Variants in TBXAS1 observed in about 807,000 individuals in gnomAD.
TBXAS1 encodes the protein thromboxane A synthase 1.
In TBXAS1, 48 loss-of-function variants were observed where a neutral mutation model predicts 60.7. The ratio of observed to expected loss-of-function variants is 0.79; its 90% CI spans 0.63 to 1.01. The LOEUF is 1.01. Among genes scored for constraint, TBXAS1 ranks in the 50% least tolerant of loss-of-function variants. The pLI, the probability that TBXAS1 is intolerant of heterozygous loss-of-function variation, is 0.00. For synonymous variants in TBXAS1, 287 were observed against 269.7 expected, an observed-to-expected ratio of 1.06 and a Z score of -0.63; for missense variants, 685 against 686.3, an observed-to-expected ratio of 1.00 and a Z score of 0.02.
intron 5 of TBXAS1, among the ~76,000 whole-genome samples, chr7:139,942,783 T>C (rs551779751): frequency 1.3e-5 from 2 of 152,360 alleles, no homozygotes; most frequent in East Asian, 3.9e-4. Flanking sequence ...TCCGGCTCTC[T>C]GCCTAATTTT....
intron 5 of TBXAS1, among the ~76,000 whole-genome samples, chr7:139,939,243 A>G (rs550808396): frequency 1.1e-4 from 17 of 152,004 alleles, no homozygotes; most frequent in Non-Finnish European, 1.8e-4. Context: ...AGGCACCTGT[A>G]ACCCCAGCTA....
intron 9 of TBXAS1, among the ~76,000 whole-genome samples, chr7:139,970,351 C>G (rs1811108410): frequency 6.6e-6 from 1 of 152,222 alleles, no homozygotes; most frequent in Non-Finnish European, 1.5e-5. Flanking sequence ...AGGTGATCTG[C>G]CCGCCTCGGC....
intron 3 of TBXAS1, among the ~76,000 whole-genome samples, chr7:139,881,410 TATCAGG>T (rs1802681842): frequency 6.6e-6 from 1 of 152,202 alleles, no homozygotes; most frequent in Admixed American, 6.5e-5. Context: ...ATGTTTGATA[TATCAGG>T]AATTTATTTG....
chr7:139,832,740 T>A (rs748810306), intron 1 of TBXAS1, among the ~76,000 whole-genome samples: 1 of 152,206 alleles, frequency 6.6e-6, no homozygotes, highest in African/African-American at 2.4e-5. Flanking sequence ...AAGGAAAACC[T>A]ATCAGATGAA....
chr7:139,878,532 A>G (rs1173174998), intron 3 of TBXAS1, among the ~76,000 whole-genome samples: 1 of 152,242 alleles, frequency 6.6e-6, no homozygotes, highest in East Asian at 1.9e-4. Flanking sequence ...GATGAGCCAT[A>G]AAACACTGAC....
At chr7:139,811,831 C>A (rs1296910244) in intron 4 of TBXAS1, among the ~76,000 whole-genome samples, 1 of 152,188 alleles carries the variant, frequency 6.6e-6, no homozygotes, top group South Asian at 2.1e-4. Flanking sequence ...ATGAGCAAAG[C>A]CTTAAGTTAG....
chr7:140,003,249 C>A (rs1477058777), intron 9 of TBXAS1, among the ~76,000 whole-genome samples: 1 of 151,742 alleles, frequency 6.6e-6, no homozygotes, highest in Non-Finnish European at 1.5e-5. Flanking sequence ...TGGAGTTTTG[C>A]TCTTGATGCC....
chr7:139,845,639 G>A (rs2116608410), intron 1 of TBXAS1, among the ~76,000 whole-genome samples: 1 of 152,232 alleles, frequency 6.6e-6, no homozygotes, highest in Non-Finnish European at 1.5e-5. Context: ...TAGGCACGCA[G>A]TTACTTGTTG....
At chr7:139,856,514 G>T (rs1800594298) in intron 1 of TBXAS1, among the ~76,000 whole-genome samples, 1 of 152,180 alleles carries the variant, frequency 6.6e-6, no homozygotes, top group African/African-American at 2.4e-5. Context: ...ATTCCGACAG[G>T]CTAGGAAGAT....
intron 9 of TBXAS1, among the ~76,000 whole-genome samples, chr7:139,984,144 T>C (rs1170443235): frequency 1.3e-5 from 2 of 152,218 alleles, no homozygotes; most frequent in Non-Finnish European, 2.9e-5. Flanking sequence ...CCCTGGGGCA[T>C]GACACAGTTC....
chr7:139,957,628 TTCAAGTA>T lies in TBXAS1; in HGVS notation c.689-2_693del, dbSNP rs780939605. ...TTCAATGCCACTTTTGTTTTTCTCT[TTCAAGTA>T]TCATTTCCATCCATAATGGTCCCAC... On this transcript the variant is annotated splice_acceptor_variant and splice_polypyrimidine_tract_variant and coding_sequence_variant and intron_variant, in exon 8 of 13. Transcript: ENST00000448866. LOFTEE classifies it high-confidence loss of function. 1.2e-6 allele frequency: 2 copies of T among 1,614,144 alleles called. No homozygotes were observed. Among genetic ancestry groups the T allele is most frequent in the East Asian group, 4.5e-5 (2 of 44,882 alleles).
chr7:139,862,470 T>C (rs1801037802), intron 1 of TBXAS1, among the ~76,000 whole-genome samples: 1 of 152,076 alleles, frequency 6.6e-6, no homozygotes, highest in African/African-American at 2.4e-5. Flanking sequence ...AAGCTGTGGG[T>C]ACAGAAGCTT....
intron 3 of TBXAS1, among the ~76,000 whole-genome samples, chr7:139,900,685 G>A (rs1307309671): frequency 6.6e-6 from 1 of 152,220 alleles, no homozygotes; most frequent in African/African-American, 2.4e-5. Context: ...ATTGTGCTTT[G>A]TAGGCAGTCT....
chr7:139,865,831 G>A (rs1430248296), intron 1 of TBXAS1, among the ~76,000 whole-genome samples: 1 of 101,208 alleles, frequency 9.9e-6, no homozygotes, highest in Non-Finnish European at 2.1e-5. Context: ...GAGGGAGGGA[G>A]GGGGGAAAGG....
intron 5 of TBXAS1, among the ~76,000 whole-genome samples, chr7:139,949,271 A>C (rs187451508): frequency 5.4e-4 from 82 of 152,336 alleles, no homozygotes; most frequent in African/African-American, 1.8e-3. Context: ...TATGTTAAGA[A>C]AGCTTCAAGC....
intron 8 of TBXAS1, among the ~76,000 whole-genome samples, chr7:139,958,397 TAGAA>T (rs780205550): frequency 4.8e-4 from 73 of 152,310 alleles, no homozygotes; most frequent in African/African-American, 1.5e-3. Flanking sequence ...TTGGCTAAAA[TAGAA>T]AGAGGAGTTT....
chr7:139,856,399 A>T (rs565375000), intron 1 of TBXAS1, among the ~76,000 whole-genome samples: 1 of 152,314 alleles, frequency 6.6e-6, no homozygotes, highest in African/African-American at 2.4e-5. Context: ...CAGGACACAG[A>T]ACTCAGAACT....
At position 139,979,554 on chromosome 7, in the gene TBXAS1, C is replaced by T. The variant is rs191415809; in HGVS notation, c.1134+17321C>T. On this transcript the variant is annotated intron_variant, in intron 9 of 12. Coordinates refer to ENST00000448866, the MANE Select transcript of TBXAS1 (RefSeq NM_001061.7). ...CCAGCCTGACCAATACGGTGAAACC[C>T]GCCTCTACTAAAAATACAAAAATTA... is the stretch of plus-strand genomic sequence containing the variant. Among the ~76,000 whole-genome samples, 709 of 151,882 alleles carry T rather than the reference C, an allele frequency of 4.7e-3. 3 individuals are homozygous for T. Among genetic ancestry groups the T allele is most frequent in the Non-Finnish European group, 7.7e-3 (523 of 67,928 alleles).
At chr7:139,910,517 A>C (rs1805433952) in intron 3 of TBXAS1, among the ~76,000 whole-genome samples, 1 of 152,130 alleles carries the variant, frequency 6.6e-6, no homozygotes, top group Admixed American at 6.6e-5. Context: ...GGCGCCTGTA[A>C]TCCCAGCTAC....
Sources: allele counts gnomAD v4.1 joint callset (sites outside exome capture counted in the v4.1 genomes callset), GRCh38; gene constraint gnomAD v4.1.1; transcripts MANE v1.5; gene names NCBI Gene and HGNC (gene_info 2026-07-23, HGNC 2026-07-21).